PIK3C2G: variants seen among roughly 807,000 people sequenced by gnomAD.
PIK3C2G encodes the protein phosphatidylinositol-4-phosphate 3-kinase catalytic subunit type 2 gamma, also known as phosphatidylinositol 3-kinase C2 domain-containing subunit gamma.
A neutral mutation model predicts 181.1 loss-of-function variants in PIK3C2G; 168 were observed. That is an observed-to-expected ratio of 0.93 (90% CI 0.82 to 1.05). PIK3C2G has a LOEUF of 1.05. Among genes scored for constraint, PIK3C2G ranks in the 50% least tolerant of loss-of-function variants. The pLI, the probability that PIK3C2G is intolerant of heterozygous loss-of-function variation, is 0.00. For synonymous variants in PIK3C2G, 573 were observed against 592.2 expected (o/e 0.97, Z 0.47); for missense variants, 1,869 against 1,732.8 (o/e 1.08, Z -1.40).
At chr12:18,692,884 A>C in the PIK3C2G span, 2 of 1,602,382 alleles carry the variant, frequency 1.2e-6, no homozygotes, top group Non-Finnish European at 1.7e-6. Context: ...GTGGGGAAAA[A>C]GAAGAAGAAA....
At position 18,347,982 on chromosome 12, in the gene PIK3C2G, CT is replaced by C. The variant is rs1341720649; in HGVS notation, c.1625+1151del. Among the ~76,000 whole-genome samples, 3 of 151,882 alleles carry C rather than the reference CT, an allele frequency of 2.0e-5. No homozygotes were observed. In the East Asian group the frequency reaches 5.8e-4, roughly 29 times the overall value. On this transcript the variant is annotated intron_variant, in intron 11 of 32. Coordinates refer to ENST00000538779, the MANE Select transcript of PIK3C2G (RefSeq NM_001288772.2). ...GAATCCATAAAATAATATTTTTATT[CT>C]TTTTCCTTTTATAATTTTATGAAAA...
chr12:18,402,698 C>T (rs1169147364), intron 16 of PIK3C2G, among the ~76,000 whole-genome samples: 2 of 152,084 alleles, frequency 1.3e-5, no homozygotes, highest in African/African-American at 4.8e-5. Context: ...GCTCTGTTTA[C>T]TCACTTATTA....
Position 18,282,014 on chromosome 12 carries a change from ATCT to A in PIK3C2G, c.-63_-61del, listed in dbSNP as rs1376392842. On this transcript the variant is annotated 5_prime_UTR_variant, in exon 2 of 33. Transcript: ENST00000538779. Reference sequence around the variant, plus strand: ...TTATGCTTTTTCTAGGAAAATTTCTATCTTCTTTTGTATTATCAAGGAGATATT... The same window carrying A: ...TTATGCTTTTTCTAGGAAAATTTCTATCTTTTGTATTATCAAGGAGATATT... The A allele has an allele frequency of 1.1e-5, 10 of 899,096 alleles. No homozygotes were observed. The highest frequency in any genetic ancestry group is 1.5e-5 in the Non-Finnish European group (9 of 597,598). 55.7% of individuals were successfully genotyped at this position (899,096 alleles called of 1,614,324 possible).
intron 29 of PIK3C2G, among the ~76,000 whole-genome samples, chr12:18,581,819 G>A (rs1344641924): frequency 6.6e-6 from 1 of 152,140 alleles, no homozygotes; most frequent in Non-Finnish European, 1.5e-5. Context: ...CTTAGGGTGA[G>A]AGTGTAAATA....
At chr12:18,616,614 C>T (rs867383625) in intron 31 of PIK3C2G, among the ~76,000 whole-genome samples, 6 of 152,026 alleles carry the variant, frequency 3.9e-5, no homozygotes, top group Admixed American at 1.3e-4. Context: ...ATGGATATGT[C>T]GCCACATGAC....
chr12:18,559,043 G>A (rs1945156313), intron 26 of PIK3C2G, among the ~76,000 whole-genome samples: 1 of 152,146 alleles, frequency 6.6e-6, no homozygotes, highest in Non-Finnish European at 1.5e-5. Flanking sequence ...ATGTCTCTGT[G>A]TTTGCACAAA....
downstream of PIK3C2G, among the ~76,000 whole-genome samples, chr12:18,650,696 G>GTA (rs1950431208): frequency 4.6e-5 from 2 of 43,704 alleles, no homozygotes; most frequent in Non-Finnish European, 7.1e-5. Flanking sequence ...GTGTGTGTGT[G>GTA]TGTGTGTGTA....
At chr12:18,517,159 G>C (rs577623040) in intron 24 of PIK3C2G, among the ~76,000 whole-genome samples, 9 of 151,528 alleles carry the variant, frequency 5.9e-5, no homozygotes, top group African/African-American at 2.2e-4. Context: ...TTGGTGGTTT[G>C]GTACTTAACA....
At chr12:18,453,133 C>T (rs1461863562) in intron 18 of PIK3C2G, among the ~76,000 whole-genome samples, 4 of 152,024 alleles carry the variant, frequency 2.6e-5, no homozygotes, top group Non-Finnish European at 5.9e-5. Flanking sequence ...TAATTTTCTG[C>T]CTCATTTATC....
At chr12:18,539,678 T>C (rs1944048890) in intron 25 of PIK3C2G, among the ~76,000 whole-genome samples, 1 of 151,878 alleles carries the variant, frequency 6.6e-6, no homozygotes, top group Non-Finnish European at 1.5e-5. Context: ...ACAGAACAAA[T>C]GTTGACTTTG....
At chr12:18,559,866 A>AGAGAGG (rs1491532709) in intron 26 of PIK3C2G, among the ~76,000 whole-genome samples, 9 of 124,114 alleles carry the variant, frequency 7.3e-5, no homozygotes, top group Non-Finnish European at 1.5e-4. Context: ...AGAGAGAGAG[A>AGAGAGG]CAGTTTTGCT....
At chr12:18,443,971 T>C (rs1289922890) in intron 18 of PIK3C2G, among the ~76,000 whole-genome samples, 1 of 149,572 alleles carries the variant, frequency 6.7e-6, no homozygotes. Context: ...ATGCAAATAC[T>C]CCAGGCCTGA....
chr12:18,407,799 G>A (rs1013549275), intron 16 of PIK3C2G, among the ~76,000 whole-genome samples: 6 of 152,054 alleles, frequency 3.9e-5, no homozygotes, highest in Admixed American at 2.0e-4. Context: ...AGGATTTTCC[G>A]GGAAGAAAGA....
At chr12:18,357,681 A>C (rs1940874720) in intron 11 of PIK3C2G, among the ~76,000 whole-genome samples, 1 of 152,174 alleles carries the variant, frequency 6.6e-6, no homozygotes, top group Non-Finnish European at 1.5e-5. Context: ...CCTACTAAAA[A>C]AGTTTAATTG....
chr12:18,683,283 G>A, the PIK3C2G span: 1 of 1,612,524 alleles, frequency 6.2e-7, no homozygotes, highest in Non-Finnish European at 8.5e-7. Context: ...GCAGGCTCAA[G>A]GCTCTCACCC....
intron 15 of PIK3C2G, among the ~76,000 whole-genome samples, chr12:18,399,001 C>T (rs1169197435): frequency 6.6e-6 from 1 of 151,406 alleles, no homozygotes; most frequent in African/African-American, 2.4e-5. Flanking sequence ...CGAGACCATC[C>T]CGGCTAAAAC....
At chr12:18,690,757 C>T in the PIK3C2G span, among the ~76,000 whole-genome samples, 1 of 151,986 alleles carries the variant, frequency 6.6e-6, no homozygotes, top group African/African-American at 2.4e-5. Context: ...GCAGGTAAGG[C>T]TGAAAGAATG....
chr12:18,333,667 TA>T (rs1391665792), intron 8 of PIK3C2G, among the ~76,000 whole-genome samples: 1 of 152,200 alleles, frequency 6.6e-6, no homozygotes, highest in Non-Finnish European at 1.5e-5. Flanking sequence ...AAGCTGTTTT[TA>T]ATCTTTAAGG....
At chr12:18,296,271 A>C (rs1443506494) in intron 5 of PIK3C2G, among the ~76,000 whole-genome samples, 1 of 152,126 alleles carries the variant, frequency 6.6e-6, no homozygotes, top group Non-Finnish European at 1.5e-5. Flanking sequence ...AATTATTCTG[A>C]TATTAACACC....
Sources: allele counts gnomAD v4.1 joint callset (sites outside exome capture counted in the v4.1 genomes callset), GRCh38; gene constraint gnomAD v4.1.1; transcripts MANE v1.5; gene names NCBI Gene and HGNC (gene_info 2026-07-23, HGNC 2026-07-21).